NECAB1: variants seen among roughly 807,000 people sequenced by gnomAD.
NECAB1 encodes the protein N-terminal EF-hand calcium-binding protein 1.
Under a neutral mutation model 57.5 loss-of-function variants are expected in NECAB1, and 29 were observed. The ratio of observed to expected loss-of-function variants is 0.50; its 90% CI spans 0.38 to 0.69. The LOEUF is 0.69. Among genes scored for constraint, NECAB1 ranks in the 30% least tolerant of loss-of-function variants. The pLI is 0.00. For synonymous variants in NECAB1, 142 were observed against 147.7 expected (o/e 0.96, Z 0.28); for missense variants, 372 against 413.8 (o/e 0.90, Z 0.88).
chr8:90,933,896 G>A (rs1810469718), intron 8 of NECAB1, among the ~76,000 whole-genome samples: 2 of 152,050 alleles, frequency 1.3e-5, no homozygotes, highest in East Asian at 1.9e-4. Context: ...TGTTTATAAT[G>A]ATGTCCCAAG....
chr8:90,919,431 G>A (rs1810052564), intron 6 of NECAB1, among the ~76,000 whole-genome samples: 1 of 152,122 alleles, frequency 6.6e-6, no homozygotes, highest in Non-Finnish European at 1.5e-5. Flanking sequence ...CCAAAATAGT[G>A]GAATTTTCAA....
Position 90,955,655 on chromosome 8 carries a change from A to G in NECAB1, c.*143A>G. 2 of 508,970 alleles carry G rather than the reference A, an allele frequency of 3.9e-6. No individual in the cohort carries two copies. The highest frequency in any genetic ancestry group is 3.4e-5 in the East Asian group (1 of 29,370). 31.5% of individuals were successfully genotyped at this position (508,970 alleles called of 1,614,324 possible). ...TACTAAGTGCACTCTTTCAAAACTT[A>G]TTCTATAACTTTATCAATTCATGTG... is the stretch of plus-strand genomic sequence containing the variant. On this transcript the variant is annotated 3_prime_UTR_variant, in exon 13 of 13. Coordinates refer to ENST00000417640, the MANE Select transcript of NECAB1 (RefSeq NM_022351.5).
chr8:90,922,488 T>C (rs1810143910), intron 6 of NECAB1, among the ~76,000 whole-genome samples: 1 of 41,204 alleles, frequency 2.4e-5, no homozygotes, highest in Admixed American at 2.7e-4. Context: ...AAACTTGGAT[T>C]TTTTTTTTTT....
At chr8:90,855,605 T>C (rs1014912023) in intron 3 of NECAB1, among the ~76,000 whole-genome samples, 4 of 152,204 alleles carry the variant, frequency 2.6e-5, no homozygotes, top group East Asian at 1.9e-4. Context: ...TAGAGAACAA[T>C]AACAGCCTGG....
At chr8:90,914,380 C>T (rs1298694029) in intron 5 of NECAB1, among the ~76,000 whole-genome samples, 1 of 152,108 alleles carries the variant, frequency 6.6e-6, no homozygotes, top group Non-Finnish European at 1.5e-5. Context: ...AGGAAAGGAA[C>T]ATCTGTACAG....
At chr8:90,943,057 CA>C (rs1299935384) in intron 10 of NECAB1, among the ~76,000 whole-genome samples, 1 of 151,994 alleles carries the variant, frequency 6.6e-6, no homozygotes, top group East Asian at 1.9e-4. Context: ...AAAAGGCGCA[CA>C]AGTTTATTTT....
chr8:90,923,412 T>C (rs534827695), intron 6 of NECAB1, among the ~76,000 whole-genome samples: 1 of 152,292 alleles, frequency 6.6e-6, no homozygotes, highest in Admixed American at 6.5e-5. Flanking sequence ...GCGTGCTTCT[T>C]TGAGGGATCT....
At chr8:90,921,552 C>A (rs1810111454) in intron 6 of NECAB1, among the ~76,000 whole-genome samples, 1 of 151,922 alleles carries the variant, frequency 6.6e-6, no homozygotes. Flanking sequence ...CAGATACCTG[C>A]AATCCCAGCT....
chr8:90,920,611 C>T (rs1405123448), intron 6 of NECAB1, among the ~76,000 whole-genome samples: 1 of 152,160 alleles, frequency 6.6e-6, no homozygotes, highest in African/African-American at 2.4e-5. Flanking sequence ...TCTCATGTTA[C>T]CCATCTCTCA....
At chr8:90,921,677 AAAAAAAAC>A (rs752040027) in intron 6 of NECAB1, among the ~76,000 whole-genome samples, 28 of 151,906 alleles carry the variant, frequency 1.8e-4, no homozygotes, top group Admixed American at 5.9e-4. Flanking sequence ...TCCATCTCAA[AAAAAAAAC>A]AAAAAAACAA....
At chr8:90,876,353 C>A (rs1808727052) in intron 4 of NECAB1, among the ~76,000 whole-genome samples, 1 of 152,098 alleles carries the variant, frequency 6.6e-6, no homozygotes, top group South Asian at 2.1e-4. Context: ...CCTCCCTATT[C>A]AGAACATGCG....
intron 2 of NECAB1, among the ~76,000 whole-genome samples, chr8:90,818,137 A>G (rs1812088758): frequency 6.6e-6 from 1 of 151,626 alleles, no homozygotes; most frequent in Non-Finnish European, 1.5e-5. Flanking sequence ...ACAATGATTA[A>G]CTCTTCCTTC....
At chr8:90,894,025 G>C (rs986577384) in intron 5 of NECAB1, among the ~76,000 whole-genome samples, 3 of 152,082 alleles carry the variant, frequency 2.0e-5, no homozygotes, top group African/African-American at 7.2e-5. Flanking sequence ...GGACATGATA[G>C]GCATAGGTGA....
intron 5 of NECAB1, among the ~76,000 whole-genome samples, chr8:90,905,758 T>C (rs1454523823): frequency 1.3e-5 from 2 of 152,202 alleles, no homozygotes; most frequent in African/African-American, 4.8e-5. Flanking sequence ...AGTTAAATAC[T>C]CTCGTTCTCT....
chr8:90,834,580 C>A (rs1383394922), intron 3 of NECAB1, among the ~76,000 whole-genome samples: 1 of 152,134 alleles, frequency 6.6e-6, no homozygotes, highest in Non-Finnish European at 1.5e-5. Context: ...GCCTCCAGAA[C>A]TGTGAGCAAT....
intron 6 of NECAB1, among the ~76,000 whole-genome samples, chr8:90,922,486 A>ATTTTTTTTTTGTTTTTTTTTTTTTTTT (rs1810140992): frequency 1.7e-5 from 1 of 57,520 alleles, no homozygotes; most frequent in African/African-American, 5.9e-5. Flanking sequence ...AAAAACTTGG[A>ATTTTTTTTTTGTTTTTTTTTTTTTTTT]TTTTTTTTTT....
intron 5 of NECAB1, among the ~76,000 whole-genome samples, chr8:90,883,664 C>G (rs552646315): frequency 6.2e-4 from 95 of 152,278 alleles, no homozygotes; most frequent in African/African-American, 2.2e-3. Context: ...CCCTTAACCC[C>G]AGCCTTTTGT....
At chr8:90,808,778 T>G (rs1452164204) in intron 2 of NECAB1, among the ~76,000 whole-genome samples, 2 of 151,304 alleles carry the variant, frequency 1.3e-5, no homozygotes, top group Non-Finnish European at 2.9e-5. Flanking sequence ...CGCAAGTAGC[T>G]GGGACTACAG....
intron 9 of NECAB1, chr8:90,940,069 C>T (rs1810631191): frequency 6.6e-6 from 1 of 152,218 alleles, no homozygotes; most frequent in Non-Finnish European, 1.5e-5. Context: ...AGCCCACAGG[C>T]GGATCTTGAG....
Sources: gnomAD v4.1 joint callset for allele counts (sites outside exome capture counted in the v4.1 genomes callset) on GRCh38, gnomAD v4.1.1 for gene constraint, MANE v1.5 for transcripts, NCBI Gene and HGNC (gene_info 2026-07-23, HGNC 2026-07-21) for gene names.